The following EIF3J variants were observed in gnomAD, a reference collection of about 807,000 sequenced individuals.
EIF3J encodes the protein eukaryotic translation initiation factor 3 subunit J.
Under a neutral mutation model 39.0 loss-of-function variants are expected in EIF3J, and 15 were observed. The ratio of observed to expected loss-of-function variants is 0.38; its 90% CI spans 0.26 to 0.59. EIF3J has a LOEUF of 0.59. Among genes scored for constraint, EIF3J ranks in the 20% least tolerant of loss-of-function variants. The pLI is 0.60. For synonymous variants in EIF3J, 98 were observed against 112.9 expected (o/e 0.87, Z 0.84); for missense variants, 226 against 308.6 (o/e 0.73, Z 2.00).
At chr15:44,554,405 AGTGTT>A in intron 4 of EIF3J, 143 bp from the exon 5 acceptor site, 1 of 354,742 alleles carries the variant, frequency 2.8e-6, no homozygotes, top group East Asian at 4.4e-5. Flanking sequence ...AAAAAACTAA[AGTGTT>A]TAGAAGAATG....
chr15:44,539,803 C>T (rs1020190675), intron 2 of EIF3J, among the ~76,000 whole-genome samples: 5 of 147,444 alleles, frequency 3.4e-5, no homozygotes, highest in African/African-American at 7.5e-5. Flanking sequence ...GGTCTCACCC[C>T]GTTTCCCAGG....
intron 2 of EIF3J, among the ~76,000 whole-genome samples, chr15:44,548,950 A>G (rs565740187): frequency 6.6e-6 from 1 of 152,280 alleles, no homozygotes; most frequent in South Asian, 2.1e-4. Flanking sequence ...TGCTGTGACA[A>G]CTGGGTAGCC....
chr15:44,551,556 C>T (rs1255078507), intron 4 of EIF3J, 34 bp downstream of exon 4: 1 of 1,487,234 alleles, frequency 6.7e-7, no homozygotes, highest in Non-Finnish European at 9.2e-7. Context: ...AGAATTCTCA[C>T]ATCGGTAGTG....
At chr15:44,542,034 A>G (rs1246523343) in intron 2 of EIF3J, among the ~76,000 whole-genome samples, 5 of 152,240 alleles carry the variant, frequency 3.3e-5, no homozygotes, top group African/African-American at 1.2e-4. Flanking sequence ...TGAGCCAGAA[A>G]TTTAAAGTAG....
rs375192187 is a variant in EIF3J, at chr15:44,539,854, G to A, written c.147+2427G>A. Among the ~76,000 whole-genome samples the A allele has an allele frequency of 4.0e-5, 6 of 150,880 alleles. No individual in the cohort carries two copies. The East Asian group carries it at 9.8e-4, about 25-fold the overall frequency. ...ACGATCTCTGCAACCTCCGCCTCCC[G>A]GATTCAAGTGATTCTCCAGCCTCAG... On this transcript the variant is annotated intron_variant, in intron 2 of 7. Coordinates refer to ENST00000261868, the MANE Select transcript of EIF3J (RefSeq NM_003758.4).
At chr15:44,554,519 C>G in intron 4 of EIF3J, 34 bp from the exon 5 acceptor site, 1 of 1,403,708 alleles carries the variant, frequency 7.1e-7, no homozygotes, top group Non-Finnish European at 1.0e-6. Flanking sequence ...CATCATAATC[C>G]CTGTGCTTTT....
chr15:44,537,166 C>T lies in EIF3J; in HGVS notation c.-29C>T, dbSNP rs778251606. On this transcript the variant is annotated 5_prime_UTR_variant, in exon 1 of 8. Coordinates refer to ENST00000261868, the MANE Select transcript of EIF3J (RefSeq NM_003758.4). ...CGTGCTAACTCCTCGCTAGCTCTCC[C>T]TCTCACACACGCTCACACCCGGCTC... 1 of 1,613,130 alleles carries T rather than the reference C, an allele frequency of 6.2e-7. No homozygotes were observed. The highest frequency in any genetic ancestry group is 8.5e-7 in the Non-Finnish European group (1 of 1,179,534).
chr15:44,550,908 A>G lies in EIF3J; in HGVS notation c.180A>G (p.Lys60=). 2 of 1,609,980 alleles carry G rather than the reference A, an allele frequency of 1.2e-6. No individual in the cohort carries two copies. Among genetic ancestry groups the G allele is most frequent in the Non-Finnish European group, 8.5e-7 (1 of 1,177,560 alleles). ...GGGATGACGATGATGATGAAAAAAA[A>G]GAGGAAGCAGAAGTAAAACCAGGTG... ...DNWDDDDDEK[K]EEAEVKPEVK... The change falls in exon 3 of 8, where the codon AAA becomes AAG. Residue 60 remains lysine (K), a synonymous_variant. Coordinates refer to ENST00000261868, the MANE Select transcript of EIF3J (RefSeq NM_003758.4).
intron 2 of EIF3J, among the ~76,000 whole-genome samples, chr15:44,543,201 C>T (rs961478102): frequency 2.0e-5 from 3 of 152,090 alleles, no homozygotes; most frequent in African/African-American, 2.4e-5. Context: ...TGGCCTTTTG[C>T]TTTTATAATT....
intron 2 of EIF3J, 79 bp from the exon 3 acceptor site, chr15:44,550,796 TG>T: frequency 1.0e-6 from 1 of 968,376 alleles, no homozygotes; most frequent in Non-Finnish European, 1.6e-6. Context: ...AACATTTCTC[TG>T]GAGTTAGTCA....
At chr15:44,540,560 A>T (rs1429399713) in intron 2 of EIF3J, among the ~76,000 whole-genome samples, 1 of 151,782 alleles carries the variant, frequency 6.6e-6, no homozygotes, top group African/African-American at 2.4e-5. Context: ...GGTGTGAGCC[A>T]CTGCACCTGG....
chr15:44,560,403 C>A (rs1177102205), intron 7 of EIF3J, 81 bp downstream of exon 7: 3 of 1,333,892 alleles, frequency 2.2e-6, no homozygotes, highest in Non-Finnish European at 3.1e-6. Context: ...ATAATAGGAG[C>A]CTGTCCTAAT....
rs1361581452 is a variant in EIF3J, at chr15:44,562,013, TTA to T, written c.*866_*867del. The T allele has an allele frequency of 5.2e-5, 8 of 152,660 alleles. No individual in the cohort carries two copies. Among genetic ancestry groups the T allele is most frequent in the Admixed American group, 4.6e-4 (7 of 15,300 alleles). 9.5% of individuals were successfully genotyped at this position (152,660 alleles called of 1,614,324 possible). ...CAGTTAACTACAGTTTGGTAAATTG[TTA>T]TGTTAACAATTATGACATCTGCAAT... On this transcript the variant is annotated 3_prime_UTR_variant, in exon 8 of 8. Coordinates refer to ENST00000261868, the MANE Select transcript of EIF3J (RefSeq NM_003758.4).
rs2082211135 is a variant in EIF3J at position 44,562,449 on chromosome 15, GGTTA to G, written c.*1303_*1306del. On this transcript the variant is annotated 3_prime_UTR_variant, in exon 8 of 8. Transcript: ENST00000261868. The stretch of plus-strand genomic sequence containing the variant: ...TCCTAAGCAGTTTAACCAAATGTGT[GGTTA>G]GTGTTTTTTTATTCCCCTAAGACAG... 1 of 152,442 alleles carries G rather than the reference GGTTA, an allele frequency of 6.6e-6. No individual in the cohort carries two copies. Among genetic ancestry groups the G allele is most frequent in the South Asian group, 2.1e-4 (1 of 4,820 alleles). 9.4% of individuals were successfully genotyped at this position (152,442 alleles called of 1,614,324 possible). A position where few individuals can be genotyped will look rare whatever the true frequency, so the allele number is the denominator to read the frequency against.
chr15:44,549,764 CAAAAAAAAAAAAA>C (rs774290941), intron 2 of EIF3J, among the ~76,000 whole-genome samples: 1 of 11,470 alleles, frequency 8.7e-5, no homozygotes, highest in Non-Finnish European at 2.1e-4. Context: ...GACTCCGTCT[CAAAAAAAAAAAAA>C]AAAAAAAAAA....
intron 2 of EIF3J, among the ~76,000 whole-genome samples, chr15:44,544,217 C>T (rs2140892072): frequency 6.6e-6 from 1 of 151,428 alleles, no homozygotes; most frequent in African/African-American, 2.4e-5. Context: ...GCATCAGCCT[C>T]CCGAGTAGCT....
chr15:44,541,038 T>G (rs1200180930), intron 2 of EIF3J, among the ~76,000 whole-genome samples: 1 of 152,188 alleles, frequency 6.6e-6, no homozygotes, highest in Non-Finnish European at 1.5e-5. Context: ...TGTACAACCG[T>G]TAATATATAT....
In EIF3J at chr15:44,561,272, G is replaced by GTTAT. The variant is rs1440378571; in HGVS notation, c.*127_*130dup. ...CAGAAGTGCAGTATCTTTTGTGCTGGTTATTTAACCCCTTGACACTTAGGT... is the reference window on the plus strand; with the variant it reads ...CAGAAGTGCAGTATCTTTTGTGCTGGTTATTTATTTAACCCCTTGACACTTAGGT... On this transcript the variant is annotated 3_prime_UTR_variant, in exon 8 of 8. Transcript: ENST00000261868. 5.8e-6 allele frequency: 7 copies of GTTAT among 1,196,750 alleles called. No individual in the cohort carries two copies. The African/African-American group carries it at 9.1e-5, about 16-fold the overall frequency. The allele number at this position is 1,196,750 out of a possible 1,614,324, so 74.1% of individuals were successfully genotyped here.
chr15:44,554,577 G>A lies in EIF3J; in HGVS notation c.319G>A (p.Val107Met), dbSNP rs767802088. Reference sequence around the variant, plus strand: ...GTTAGAAGAACCCGAAGAACCTAAAGTGCTAACACCAGAAGAACAATTAGC... The same window carrying A: ...GTTAGAAGAACCCGAAGAACCTAAAATGCTAACACCAGAAGAACAATTAGC... ...KRLEEPEEPK[V>M]LTPEEQLADK... The change falls in exon 5 of 8, where the codon GTG becomes ATG. Residue 107 changes from valine to methionine, a missense_variant. Physicochemically the swap from Val to Met is conservative, Grantham distance 21. Coordinates refer to ENST00000261868, the MANE Select transcript of EIF3J (RefSeq NM_003758.4). 16 of 1,611,322 alleles carry A rather than the reference G, an allele frequency of 9.9e-6. No individual in the cohort carries two copies. Among genetic ancestry groups the A allele is most frequent in the East Asian group, 2.2e-5 (1 of 44,770 alleles).
Sources: gnomAD v4.1 joint callset for allele counts (sites outside exome capture counted in the v4.1 genomes callset) on GRCh38, gnomAD v4.1.1 for gene constraint, MANE v1.5 for transcripts, NCBI Gene and HGNC (gene_info 2026-07-23, HGNC 2026-07-21) for gene names.